ACMSD: variants seen among roughly 807,000 people sequenced by gnomAD.
ACMSD encodes the protein aminocarboxymuconate semialdehyde decarboxylase.
Under a neutral mutation model 45.9 loss-of-function variants are expected in ACMSD, and 37 were observed. That is an observed-to-expected ratio of 0.81 (90% confidence interval 0.62 to 1.06). ACMSD has a LOEUF of 1.06. ACMSD is among the 50% of genes least tolerant of loss of function. The pLI is 0.00. For missense variants in ACMSD, 434 were observed against 420.9 expected (o/e 1.03, Z -0.27); for synonymous variants, 138 against 148.8 (o/e 0.93, Z 0.53).
At chr2:134,874,379 T>C (rs962453172) in intron 8 of ACMSD, among the ~76,000 whole-genome samples, 3 of 152,216 alleles carry the variant, frequency 2.0e-5, no homozygotes, top group African/African-American at 7.2e-5. Context: ...TTTAGGATTC[T>C]TTTTAAAATA....
chr2:134,847,814 T>C (rs1312070046), intron 2 of ACMSD, among the ~76,000 whole-genome samples: 1 of 152,016 alleles, frequency 6.6e-6, no homozygotes, highest in East Asian at 1.9e-4. Context: ...CTGTATAGTA[T>C]TCCATGGTAT....
At chr2:134,899,399 T>C (rs1465014081) in intron 9 of ACMSD, among the ~76,000 whole-genome samples, 1 of 152,130 alleles carries the variant, frequency 6.6e-6, no homozygotes, top group Non-Finnish European at 1.5e-5. Flanking sequence ...TCTTGAACTG[T>C]TAAATATTAC....
At chr2:134,856,547 A>T (rs766432298) in intron 2 of ACMSD, among the ~76,000 whole-genome samples, 21 of 152,218 alleles carry the variant, frequency 1.4e-4, no homozygotes, top group Non-Finnish European at 5.9e-5. Context: ...CATCCTAACA[A>T]GTATGAGATG....
At chr2:134,850,264 G>T (rs1458751016) in intron 2 of ACMSD, among the ~76,000 whole-genome samples, 1 of 141,380 alleles carries the variant, frequency 7.1e-6, no homozygotes, top group Non-Finnish European at 1.5e-5. Context: ...ATGAAAAATA[G>T]ATTTCTTTTT....
At chr2:134,895,172 G>A (rs1690030977) in intron 8 of ACMSD, among the ~76,000 whole-genome samples, 1 of 151,666 alleles carries the variant, frequency 6.6e-6, no homozygotes, top group Non-Finnish European at 1.5e-5. Context: ...CGAGTGTGGT[G>A]GCATGCACCT....
chr2:134,872,402 T>C, intron 7 of ACMSD, 67 bp from the exon 8 acceptor site: 2 of 1,585,608 alleles, frequency 1.3e-6, no homozygotes, highest in South Asian at 2.2e-5. Flanking sequence ...TTCTTGCATA[T>C]AACATCAAGA....
chr2:134,886,582 A>G (rs547762461), intron 8 of ACMSD, among the ~76,000 whole-genome samples: 1 of 152,064 alleles, frequency 6.6e-6, no homozygotes, highest in Non-Finnish European at 1.5e-5. Flanking sequence ...TCAGCAACTA[A>G]GAATAGAAAA....
intron 8 of ACMSD, among the ~76,000 whole-genome samples, chr2:134,897,824 G>C (rs889260893): frequency 2.0e-5 from 3 of 149,904 alleles, no homozygotes; most frequent in Non-Finnish European, 3.0e-5. Flanking sequence ...TATAGGAATT[G>C]TTTATAGGAA....
chr2:134,869,392 T>C (rs1688304674), intron 6 of ACMSD, among the ~76,000 whole-genome samples: 1 of 151,810 alleles, frequency 6.6e-6, no homozygotes, highest in Non-Finnish European at 1.5e-5. Context: ...TTTATATTTT[T>C]AGTAGAGACA....
At position 134,843,793 on chromosome 2, in the gene ACMSD, G is replaced by A. The variant is rs115517871; in HGVS notation, c.58-1440G>A. 5.1e-3 allele frequency among the ~76,000 whole-genome samples: 781 copies of A among 152,288 alleles called. 4 individuals carry two copies. Among genetic ancestry groups the A allele is most frequent in the African/African-American group, 0.017 (720 of 41,556 alleles). On this transcript the variant is annotated intron_variant, in intron 1 of 9. Transcript: ENST00000356140. ...ACACTGTGAGAGCCATGCAGGAAGC[G>A]TGGAAATCCTGAACACTAGAAGATC... is the stretch of plus-strand genomic sequence containing the variant.
At chr2:134,855,773 C>A (rs563065450) in intron 2 of ACMSD, among the ~76,000 whole-genome samples, 4 of 152,326 alleles carry the variant, frequency 2.6e-5, no homozygotes, top group African/African-American at 9.6e-5. Context: ...AATGAACAGG[C>A]TACAGCACTT....
At chr2:134,871,312 G>A (rs183097083) in intron 7 of ACMSD, among the ~76,000 whole-genome samples, 122 of 152,048 alleles carry the variant, frequency 8.0e-4, no homozygotes, top group African/African-American at 2.9e-3. Flanking sequence ...TTGGATTAAG[G>A]CCCCACCTTA....
rs1356228849 is a variant in ACMSD at position 134,859,283 on chromosome 2, A to T, written c.125A>T (p.Asp42Val). Residue 42 changes from aspartate to valine, a missense_variant, in exon 3 of 10, where the codon GAT becomes GTT. By Grantham distance (152) the Asp-to-Val change is radical. Transcript: ENST00000356140. ...CAGGGAGAAGCAAAGTTGTTGAAAG[A>T]TGGGAAAGTCTTCAGAGTGGTGCGA... ...HSKGEAKLLK[D>V]GKVFRVVREN... 6.2e-7 allele frequency: 1 copy of T among 1,614,008 alleles called. No individual in the cohort carries two copies. The highest frequency in any genetic ancestry group is 8.5e-7 in the Non-Finnish European group (1 of 1,180,004).
At chr2:134,863,303 A>G in intron 4 of ACMSD, 92 bp from the exon 5 acceptor site, 4 of 1,259,020 alleles carry the variant, frequency 3.2e-6, no homozygotes, top group Non-Finnish European at 4.6e-6. Context: ...AAAATGACAA[A>G]TATTATAGCC....
At chr2:134,898,109 G>A (rs1690277477) in intron 8 of ACMSD, among the ~76,000 whole-genome samples, 2 of 150,974 alleles carry the variant, frequency 1.3e-5, no homozygotes, top group South Asian at 4.2e-4. Context: ...AGAGAATGGG[G>A]TTGATTTGCA....
Position 134,854,853 on chromosome 2 carries a change from G to A in ACMSD, c.103-4408G>A, listed in dbSNP as rs532417769. Among the ~76,000 whole-genome samples, 5 of 152,308 alleles carry A rather than the reference G, an allele frequency of 3.3e-5. No homozygotes were observed. In the East Asian group the frequency reaches 7.7e-4, roughly 23 times the overall value. ...AGTGAGGCTTAAACTCAGAGGGCCC[G>A]TAACTTCACCAGTCAGTGCTGCTAC... On this transcript the variant is annotated intron_variant, in intron 2 of 9. Transcript: ENST00000356140.
intron 6 of ACMSD, among the ~76,000 whole-genome samples, chr2:134,869,231 G>A (rs1573661514): frequency 8.4e-6 from 1 of 118,582 alleles, no homozygotes; most frequent in Non-Finnish European, 1.8e-5. Context: ...TATTTATTTA[G>A]AGACCGAGTC....
At chr2:134,849,459 C>T (rs1687228042) in intron 2 of ACMSD, among the ~76,000 whole-genome samples, 1 of 152,100 alleles carries the variant, frequency 6.6e-6, no homozygotes, top group African/African-American at 2.4e-5. Flanking sequence ...CAAATGTATA[C>T]AATTATGCAA....
At chr2:134,873,443 T>C (rs1688567815) in intron 8 of ACMSD, 1 of 152,234 alleles carries the variant, frequency 6.6e-6, no homozygotes, top group Non-Finnish European at 1.5e-5. Context: ...CAGATATCTA[T>C]AGAAGATTTC....
Sources: gnomAD v4.1 joint callset for allele counts (sites outside exome capture counted in the v4.1 genomes callset) on GRCh38, gnomAD v4.1.1 for gene constraint, MANE v1.5 for transcripts, NCBI Gene and HGNC (gene_info 2026-07-23, HGNC 2026-07-21) for gene names.